The following MTERF2 variants were observed in gnomAD, a reference collection of about 807,000 sequenced individuals.
MTERF2 encodes the protein transcription termination factor 2, mitochondrial.
In MTERF2, 23 loss-of-function variants were observed where a neutral mutation model predicts 29.2. That is an observed-to-expected ratio of 0.79 (90% CI 0.57 to 1.12). The LOEUF (loss-of-function observed/expected upper bound fraction) is 1.12, where lower values mean the gene tolerates loss of function less well. Among genes scored for constraint, MTERF2 ranks in the 50% most tolerant of loss-of-function variants. The pLI is 0.00. For synonymous variants in MTERF2, 157 were observed against 159.5 expected (o/e 0.98, Z 0.12); for missense variants, 440 against 429.4 (o/e 1.02, Z -0.22).
At chr12:106,979,704 T>C (rs1952032218) in intron 2 of MTERF2, among the ~76,000 whole-genome samples, 1 of 152,210 alleles carries the variant, frequency 6.6e-6, no homozygotes, top group African/African-American at 2.4e-5. Context: ...GAATGGTGAC[T>C]GTACTTTCAG....
chr12:106,984,653 C>G lies in MTERF2; in HGVS notation c.-58+462G>C, dbSNP rs542493216. ...AATTAAATCATAGGGGTGGTTTCCC[C>G]CATACTGTTCTCATGACAGTGAATA... is the stretch of plus-strand genomic sequence containing the variant. On this transcript the variant is annotated intron_variant, in intron 2 of 2. Transcript: ENST00000240050. Among the ~76,000 whole-genome samples the G allele has an allele frequency of 1.1e-4, 17 of 152,218 alleles. No individual in the cohort carries two copies. The South Asian group carries it at 3.3e-3, about 30-fold the overall frequency.
chr12:106,982,038 C>G (rs1952057988), intron 2 of MTERF2, among the ~76,000 whole-genome samples: 1 of 152,186 alleles, frequency 6.6e-6, no homozygotes, highest in Admixed American at 6.5e-5. Context: ...GCAGGAAATG[C>G]AGACAGCTGC....
chr12:106,978,279 GGTCTTT>G lies in MTERF2; in HGVS notation c.430_435del (p.Lys144_Asp145del), dbSNP rs779587860. The G allele has an allele frequency of 3.7e-6, 6 of 1,613,906 alleles. No homozygotes were observed. Among genetic ancestry groups the G allele is most frequent in the Non-Finnish European group, 3.4e-6 (4 of 1,179,986 alleles). On this transcript the variant is annotated inframe_deletion, in exon 3 of 3. Transcript: ENST00000240050. ...TGAACATTCAGCTTCTGGTTCTCTTGGTCTTTAATAGTAAAGAAAGATTCTGGAAAC... is the reference window on the plus strand; with the variant it reads ...TGAACATTCAGCTTCTGGTTCTCTTGAATAGTAAAGAAAGATTCTGGAAAC...
At position 106,977,603 on chromosome 12, in the gene MTERF2, ACTT is replaced by A. The variant is rs1257485979; in HGVS notation, c.1109_1111del (p.Lys370_Val371delinsIle). On this transcript the variant is annotated inframe_deletion, in exon 3 of 3. Transcript: ENST00000240050. ...TGCCACAGGGTTAAATAATGGCCTT[ACTT>A]TTTTGGCCTGAATTTTGCCAAAATT... 1.9e-6 allele frequency: 3 copies of A among 1,613,490 alleles called. No individual in the cohort carries two copies. Among genetic ancestry groups the A allele is most frequent in the Non-Finnish European group, 2.5e-6 (3 of 1,179,762 alleles).
Position 106,978,292 on chromosome 12 carries a change from A to C in MTERF2, c.423T>G (p.Phe141Leu). ...TCTGGTTCTCTTGGTCTTTAATAGTAAAGAAAGATTCTGGAAACTGCTCTA... is the reference window on the plus strand; with the variant it reads ...TCTGGTTCTCTTGGTCTTTAATAGTCAAGAAAGATTCTGGAAACTGCTCTA... ...KLIEQFPESFFTIKDQENQKL... is the reference protein window; with the variant it reads ...KLIEQFPESFLTIKDQENQKL... The change falls in exon 3 of 3, where the codon TTT becomes TTG. Residue 141 changes from phenylalanine to leucine, a missense_variant. Transcript: ENST00000240050. 6.2e-7 allele frequency: 1 copy of C among 1,614,138 alleles called. No individual in the cohort carries two copies. Among genetic ancestry groups the C allele is most frequent in the Non-Finnish European group, 8.5e-7 (1 of 1,180,022 alleles).
At position 106,977,987 on chromosome 12, in the gene MTERF2, T is replaced by G. The variant is rs773780926; in HGVS notation, c.728A>C (p.Glu243Ala). 5.6e-6 allele frequency: 9 copies of G among 1,614,190 alleles called. No homozygotes were observed. Among genetic ancestry groups the G allele is most frequent in the Non-Finnish European group, 6.8e-6 (8 of 1,180,018 alleles). The change falls in exon 3 of 3, where the codon GAA (glutamate) becomes GCA (alanine). Residue 243 changes from glutamate to alanine, a missense_variant. Coordinates refer to ENST00000240050, the MANE Select transcript of MTERF2 (RefSeq NM_001033050.3). ...FLQEQGFTSF[E>A]ILQLLSKLKG... is the part of the protein sequence containing the mutation. ...GAGTTTGGATAGAAGCTGGAGAATT[T>G]CAAAGCTGGTGAAACCTTGCTCCTG...
chr12:106,981,768 G>A (rs1403625397), intron 2 of MTERF2, among the ~76,000 whole-genome samples: 1 of 152,126 alleles, frequency 6.6e-6, no homozygotes, highest in Non-Finnish European at 1.5e-5. Context: ...CAGTCCACCC[G>A]CCTCGGCCTC....
intron 2 of MTERF2, among the ~76,000 whole-genome samples, chr12:106,983,922 CCCA>C: frequency 1.3e-5 from 2 of 152,272 alleles, no homozygotes; most frequent in Admixed American, 1.3e-4. Flanking sequence ...TTCCACACTT[CCCA>C]CCAACTATCT....
Position 106,977,829 on chromosome 12 carries a change from C to T in MTERF2, c.886G>A (p.Val296Ile). 6.2e-7 allele frequency: 1 copy of T among 1,613,876 alleles called. No individual in the cohort carries two copies. The highest frequency in any genetic ancestry group is 1.3e-5 in the African/African-American group (1 of 75,020). The change falls in exon 3 of 3, where the codon GTT (valine) becomes ATT (isoleucine). Residue 296 changes from valine (V) to isoleucine (I), a missense_variant. Physicochemically the swap from Val to Ile is conservative, Grantham distance 29. Coordinates refer to ENST00000240050, the MANE Select transcript of MTERF2 (RefSeq NM_001033050.3). The stretch of plus-strand genomic sequence containing the variant: ...TGCATTCTCTCTTCTAAAACTGGAA[C>T]AGAATAATATAAAAGGGCAGGACAT... ...LKCPALLYYSVPVLEERMQGL... is the reference protein window; with the variant it reads ...LKCPALLYYSIPVLEERMQGL...
In MTERF2 at chr12:106,985,167, A is replaced by G. The variant is rs1041874279; in HGVS notation, c.-110T>C. ...CCTCATCCAGATATTCAGTTCATCC[A>G]CTTGGGATTCTTTCCAACTTCTTCT... On this transcript the variant is annotated 5_prime_UTR_variant, in exon 2 of 3. Coordinates refer to ENST00000240050, the MANE Select transcript of MTERF2 (RefSeq NM_001033050.3). 1 of 152,246 alleles carries G rather than the reference A, an allele frequency of 6.6e-6. No individual in the cohort carries two copies. The highest frequency in any genetic ancestry group is 2.4e-5 in the African/African-American group (1 of 41,434). The allele number at this position is 152,246 out of a possible 1,614,324, so 9.4% of individuals were successfully genotyped here.
At chr12:106,983,307 C>T (rs2136799696) in intron 2 of MTERF2, among the ~76,000 whole-genome samples, 1 of 152,298 alleles carries the variant, frequency 6.6e-6, no homozygotes, top group Admixed American at 6.5e-5. Flanking sequence ...AACAATAACT[C>T]TCCATACCCT....
chr12:106,985,817 T>C (rs1409130808), intron 1 of MTERF2: 4 of 152,210 alleles, frequency 2.6e-5, no homozygotes, highest in Non-Finnish European at 5.9e-5. Context: ...TTGTTGCTGT[T>C]TGTTTGAAGT....
chr12:106,978,614 G>A lies in MTERF2; in HGVS notation c.101C>T (p.Thr34Ile), dbSNP rs945153034. 6.2e-7 allele frequency: 1 copy of A among 1,614,096 alleles called. No homozygotes were observed. The highest frequency in any genetic ancestry group is 8.5e-7 in the Non-Finnish European group (1 of 1,180,006). The change falls in exon 3 of 3, where the codon ACC becomes ATC. Residue 34 changes from threonine (T) to isoleucine (I), a missense_variant. Coordinates refer to ENST00000240050, the MANE Select transcript of MTERF2 (RefSeq NM_001033050.3). ...PKYRPFLACF[T>I]YTTDKQSSKE... Reference sequence around the variant, plus strand: ...GCTCGACTGTTTATCAGTTGTATAGGTGAAGCATGCTAAGAAAGGTCTGTA... The same window carrying A: ...GCTCGACTGTTTATCAGTTGTATAGATGAAGCATGCTAAGAAAGGTCTGTA...
At chr12:106,980,052 C>T (rs1792865928) in intron 2 of MTERF2, among the ~76,000 whole-genome samples, 1 of 152,122 alleles carries the variant, frequency 6.6e-6, no homozygotes, top group African/African-American at 2.4e-5. Flanking sequence ...TGTGTGCCAC[C>T]ATGCTCAGCT....
chr12:106,985,931 T>G (rs751503404), intron 1 of MTERF2: 1 of 152,192 alleles, frequency 6.6e-6, no homozygotes, highest in Non-Finnish European at 1.5e-5. Context: ...AGTCACAGAC[T>G]CTCTTTCCAG....
Position 106,977,364 on chromosome 12 carries a change from TTAAAA to T in MTERF2, c.*188_*192del, listed in dbSNP as rs1342642033. 2.1e-6 allele frequency: 1 copy of T among 470,368 alleles called. No individual in the cohort carries two copies. The highest frequency in any genetic ancestry group is 2.1e-5 in the African/African-American group (1 of 48,482). The allele number at this position is 470,368 out of a possible 1,614,324, so 29.1% of individuals were successfully genotyped here. A position where few individuals can be genotyped will look rare whatever the true frequency, so the allele number is the denominator to read the frequency against. On this transcript the variant is annotated 3_prime_UTR_variant, in exon 3 of 3. Transcript: ENST00000240050. Reference sequence around the variant, plus strand: ...TTCAAGGTAAAAGTTACCAACCTTATTAAAATAAATATGATTTATATTTTATAATA... The same window carrying T: ...TTCAAGGTAAAAGTTACCAACCTTATTAAATATGATTTATATTTTATAATA...
At chr12:106,979,311 G>C (rs569749408) in intron 2 of MTERF2, among the ~76,000 whole-genome samples, 2 of 152,268 alleles carry the variant, frequency 1.3e-5, no homozygotes, top group East Asian at 3.9e-4. Context: ...TACTTAAAGG[G>C]GGAAGAGGGG....
At chr12:106,985,501 A>T (rs1340959952) in intron 1 of MTERF2, 3 of 152,272 alleles carry the variant, frequency 2.0e-5, no homozygotes, top group African/African-American at 7.2e-5. Flanking sequence ...TCACGAATAC[A>T]TGAAGCCTCC....
At chr12:106,982,155 C>T (rs935261328) in intron 2 of MTERF2, among the ~76,000 whole-genome samples, 3 of 152,148 alleles carry the variant, frequency 2.0e-5, no homozygotes, top group African/African-American at 7.2e-5. Flanking sequence ...AATGTAACCC[C>T]CAACCAAGCC....
Sources: gnomAD v4.1 joint callset for allele counts (sites outside exome capture counted in the v4.1 genomes callset) on GRCh38, gnomAD v4.1.1 for gene constraint, MANE v1.5 for transcripts, NCBI Gene and HGNC (gene_info 2026-07-23, HGNC 2026-07-21) for gene names.